PELI1: variants seen among roughly 807,000 people sequenced by gnomAD.
The protein encoded by PELI1 is E3 ubiquitin-protein ligase pellino homolog 1.
A neutral mutation model predicts 41.3 loss-of-function variants in PELI1; 15 were observed. The observed-to-expected ratio is 0.36, with a 90% CI of 0.24 to 0.56. PELI1 has a LOEUF of 0.56. Among genes scored for constraint, PELI1 ranks in the 20% least tolerant of loss-of-function variants. The pLI is 0.82. For synonymous variants in PELI1, 178 were observed against 180.1 expected (o/e 0.99, Z 0.09); for missense variants, 403 against 525.5 (o/e 0.77, Z 2.28).
intron 1 of PELI1, among the ~76,000 whole-genome samples, chr2:64,140,812 A>AAAT (rs1681885655): frequency 6.7e-6 from 1 of 148,452 alleles, no homozygotes; most frequent in Admixed American, 6.7e-5. Flanking sequence ...AACAAACAAA[A>AAAT]AAAAACCTAG....
At chr2:64,099,832 T>C in intron 4 of PELI1, among the ~76,000 whole-genome samples, 1 of 152,210 alleles carries the variant, frequency 6.6e-6, no homozygotes, top group East Asian at 1.9e-4. Context: ...ATATCAGCAC[T>C]GGATTGGTAC....
chr2:64,102,706 G>A (rs918762845), intron 3 of PELI1, among the ~76,000 whole-genome samples: 1 of 152,022 alleles, frequency 6.6e-6, no homozygotes, highest in Non-Finnish European at 1.5e-5. Context: ...GTCAAGTTAC[G>A]TTTGAGTCTC....
At chr2:64,125,979 A>AAT (rs1248569956) in intron 1 of PELI1, among the ~76,000 whole-genome samples, 6 of 152,376 alleles carry the variant, frequency 3.9e-5, no homozygotes, top group Non-Finnish European at 8.8e-5. Flanking sequence ...GATATCTCAT[A>AAT]ATATATATGC....
intron 2 of PELI1, among the ~76,000 whole-genome samples, chr2:64,107,225 C>A (rs1023511367): frequency 6.6e-6 from 1 of 152,176 alleles, no homozygotes; most frequent in Non-Finnish European, 1.5e-5. Flanking sequence ...AGCTACTGCA[C>A]CTGGCCTAAA....
chr2:64,141,710 T>C (rs1681920322), intron 1 of PELI1, among the ~76,000 whole-genome samples: 1 of 152,202 alleles, frequency 6.6e-6, no homozygotes, highest in Admixed American at 6.5e-5. Flanking sequence ...AATGGAAACA[T>C]CCTTTGGCTT....
At chr2:64,100,296 A>C in intron 4 of PELI1, 102 bp downstream of exon 4, 1 of 660,524 alleles carries the variant, frequency 1.5e-6, no homozygotes, top group Non-Finnish European at 2.7e-6. Context: ...AATAAAATAC[A>C]ATATAAAAAT....
In PELI1 at chr2:64,094,363, A is replaced by G. The variant is rs1319645012; in HGVS notation, c.*339T>C. The G allele has an allele frequency of 5.1e-6, 1 of 194,614 alleles. No individual in the cohort carries two copies. Among genetic ancestry groups the G allele is most frequent in the Non-Finnish European group, 1.1e-5 (1 of 94,366 alleles). The allele number at this position is 194,614 out of a possible 1,614,324, so 12.1% of individuals were successfully genotyped here. ...CAAACTGTAAACTAACATAGTTTGA[A>G]CCAACAGTACCCTCAGTTATACAAA... is the stretch of plus-strand genomic sequence containing the variant. On this transcript the variant is annotated 3_prime_UTR_variant, in exon 7 of 7. Transcript: ENST00000358912.
chr2:64,133,203 C>A (rs1454915439), intron 1 of PELI1, among the ~76,000 whole-genome samples: 3 of 152,048 alleles, frequency 2.0e-5, no homozygotes, highest in Admixed American at 6.5e-5. Context: ...ATTTTAAGTA[C>A]CCCCATGAGT....
At chr2:64,133,354 C>G (rs796518976) in intron 1 of PELI1, among the ~76,000 whole-genome samples, 2 of 152,110 alleles carry the variant, frequency 1.3e-5, no homozygotes, top group South Asian at 4.1e-4. Context: ...AAGAGAGAGA[C>G]TTTCTATAGG....
At chr2:64,140,897 T>A (rs1681893141) in intron 1 of PELI1, among the ~76,000 whole-genome samples, 1 of 150,906 alleles carries the variant, frequency 6.6e-6, no homozygotes, top group Non-Finnish European at 1.5e-5. Flanking sequence ...CACATTAGTC[T>A]AGGGAAATAT....
chr2:64,110,261 A>G (rs1433560443), intron 1 of PELI1, among the ~76,000 whole-genome samples: 1 of 129,608 alleles, frequency 7.7e-6, no homozygotes, highest in Non-Finnish European at 1.6e-5. Flanking sequence ...AAAAAAAAAA[A>G]AAAAAAAGAA....
At chr2:64,126,284 C>G (rs1462998040) in intron 1 of PELI1, among the ~76,000 whole-genome samples, 1 of 152,206 alleles carries the variant, frequency 6.6e-6, no homozygotes. Flanking sequence ...CTGCCTCAGC[C>G]TCCCAAGTAG....
At chr2:64,122,043 T>G (rs1299422839) in intron 1 of PELI1, among the ~76,000 whole-genome samples, 1 of 152,192 alleles carries the variant, frequency 6.6e-6, no homozygotes. Flanking sequence ...AAGACAACTT[T>G]CTTTTTGCTT....
chr2:64,132,553 C>T (rs996883616), intron 1 of PELI1, among the ~76,000 whole-genome samples: 3 of 152,102 alleles, frequency 2.0e-5, no homozygotes, highest in African/African-American at 4.8e-5. Flanking sequence ...TTATTAAAGA[C>T]TCTATTATAC....
At chr2:64,103,152 C>G (rs1339624527) in intron 3 of PELI1, among the ~76,000 whole-genome samples, 1 of 152,052 alleles carries the variant, frequency 6.6e-6, no homozygotes, top group Admixed American at 6.5e-5. Flanking sequence ...AAGAGTCAAT[C>G]TGTGATCCCT....
chr2:64,128,403 T>C (rs1431995957), intron 1 of PELI1, among the ~76,000 whole-genome samples: 2 of 152,146 alleles, frequency 1.3e-5, no homozygotes, highest in Non-Finnish European at 1.5e-5. Flanking sequence ...AAGTTACACA[T>C]GATATATTTT....
At chr2:64,130,194 T>C (rs1681511788) in intron 1 of PELI1, among the ~76,000 whole-genome samples, 2 of 152,220 alleles carry the variant, frequency 1.3e-5, no homozygotes, top group South Asian at 4.1e-4. Context: ...AGAATTTCTT[T>C]TGAGATAAGG....
rs1319289017 is a variant in PELI1 at position 64,094,756 on chromosome 2, C to A, written c.1203G>T (p.Gln401His). 1.9e-6 allele frequency: 3 copies of A among 1,614,198 alleles called. No individual in the cohort carries two copies. The South Asian group carries it at 3.3e-5, about 18-fold the overall frequency. Residue 401 changes from glutamine to histidine, a missense_variant, in exon 7 of 7, where the codon CAG (glutamine) becomes CAT (histidine). By Grantham distance (24) the Gln-to-His change is conservative. Coordinates refer to ENST00000358912, the MANE Select transcript of PELI1 (RefSeq NM_020651.4). Reference sequence around the variant, plus strand: ...TGATGTAGCCTTGTTCACCAGCCAACTGATGTGCACAAAAGGGACAGGCTG... The same window carrying A: ...TGATGTAGCCTTGTTCACCAGCCAAATGATGTGCACAAAAGGGACAGGCTG... ...FHAACPFCAH[Q>H]LAGEQGYIRL...
chr2:64,121,899 C>G (rs1188266365), intron 1 of PELI1, among the ~76,000 whole-genome samples: 6 of 148,610 alleles, frequency 4.0e-5, no homozygotes, highest in African/African-American at 1.5e-4. Flanking sequence ...GAGCAAAACT[C>G]CGTCTTCAAA....
Sources: allele counts gnomAD v4.1 joint callset (sites outside exome capture counted in the v4.1 genomes callset), GRCh38; gene constraint gnomAD v4.1.1; transcripts MANE v1.5; gene names NCBI Gene and HGNC (gene_info 2026-07-23, HGNC 2026-07-21).